Variants in TTPAL observed in about 807,000 individuals in gnomAD.
TTPAL encodes alpha-tocopherol transfer protein-like.
Under a neutral mutation model 28.7 loss-of-function variants are expected in TTPAL, and 21 were observed. That is an observed-to-expected ratio of 0.73 (90% CI 0.52 to 1.06). The LOEUF (loss-of-function observed/expected upper bound fraction) is 1.06. Among genes scored for constraint, TTPAL ranks in the 50% least tolerant of loss-of-function variants. The probability of loss-of-function intolerance (pLI) is 0.00; values close to 1 mark genes in which losing one functional copy is unlikely to be tolerated. For missense variants in TTPAL, 345 were observed against 425.5 expected, an observed-to-expected ratio of 0.81 and a Z score of 1.67; for synonymous variants, 169 against 171.9, an observed-to-expected ratio of 0.98 and a Z score of 0.13.
rs543794404 is a variant in TTPAL, at chr20:44,486,547, G to A, written c.640-49G>A. On this transcript the variant is annotated intron_variant, in intron 3 of 4. Transcript: ENST00000262605. ...AAGATTTAACTTGGGGGAGGAAGGTGTGGAAAGATTCTCCAGATGTTCTAA... is the reference window on the plus strand; with the variant it reads ...AAGATTTAACTTGGGGGAGGAAGGTATGGAAAGATTCTCCAGATGTTCTAA... 43 of 1,137,164 alleles carry A rather than the reference G, an allele frequency of 3.8e-5. 1 individual carries two copies. The South Asian group carries it at 4.7e-4, about 12-fold the overall frequency. The allele number at this position is 1,137,164 out of a possible 1,614,324, so 70.4% of individuals were successfully genotyped here. A position where few individuals can be genotyped will look rare whatever the true frequency, so the allele number is the denominator to read the frequency against.
At chr20:44,482,280 G>C (rs2064112530) in intron 2 of TTPAL, among the ~76,000 whole-genome samples, 1 of 152,152 alleles carries the variant, frequency 6.6e-6, no homozygotes, top group African/African-American at 2.4e-5. Context: ...AGGTGTGGTG[G>C]CTCATGCCTG....
At chr20:44,476,543 G>A (rs1600778210) in intron 1 of TTPAL, among the ~76,000 whole-genome samples, 1 of 152,238 alleles carries the variant, frequency 6.6e-6, no homozygotes, top group African/African-American at 2.4e-5. Context: ...CCATGTGCCC[G>A]GCACTGGGGG....
chr20:44,486,050 G>A (rs1392868539), intron 3 of TTPAL: 1 of 152,258 alleles, frequency 6.6e-6, no homozygotes, highest in African/African-American at 2.4e-5. Flanking sequence ...ACTGTTTTCT[G>A]CTGTAAGAGC....
chr20:44,482,719 ATTT>A (rs1020449013), intron 2 of TTPAL, among the ~76,000 whole-genome samples: 1 of 149,056 alleles, frequency 6.7e-6, no homozygotes, highest in African/African-American at 2.5e-5. Flanking sequence ...GGGCATTCTC[ATTT>A]TTTTTTTCCC....
rs1483474896 is a variant in TTPAL at position 44,493,640 on chromosome 20, T to TG, written c.*4100dup. 6.6e-6 allele frequency: 1 copy of TG among 152,282 alleles called. No homozygotes were observed. The highest frequency in any genetic ancestry group is 1.9e-4 in the East Asian group (1 of 5,340). The allele number at this position is 152,282 out of a possible 1,614,324, so 9.4% of individuals were successfully genotyped here. ...CTGTATCTCCTGTGGCCATGAGAGG[T>TG]GTGGCTATACCGAACAGAAACATGC... is the stretch of plus-strand genomic sequence containing the variant. On this transcript the variant is annotated 3_prime_UTR_variant, in exon 5 of 5. Transcript: ENST00000262605.
chr20:44,489,361 T>G lies in TTPAL; in HGVS notation c.849T>G (p.Thr283=). Residue 283 remains threonine, a synonymous_variant, in exon 5 of 5, where the codon ACT becomes ACG. Transcript: ENST00000262605. ...EYGGTAGELD[T]ATWNAVLLAS... Reference sequence around the variant, plus strand: ...GGGGCACGGCTGGGGAGCTGGACACTGCCACCTGGAACGCGGTACTGCTGG... The same window carrying G: ...GGGGCACGGCTGGGGAGCTGGACACGGCCACCTGGAACGCGGTACTGCTGG... 6.2e-7 allele frequency: 1 copy of G among 1,614,214 alleles called. No homozygotes were observed. The highest frequency in any genetic ancestry group is 8.5e-7 in the Non-Finnish European group (1 of 1,180,044).
chr20:44,480,821 C>T lies in TTPAL; in HGVS notation c.445+377C>T, dbSNP rs1284593758. ...TTCTTCACACTTTTTCTGTGTATGG[C>T]TGTCCCGCTCCTGTGCACGTAGTTA... On this transcript the variant is annotated intron_variant, in intron 2 of 4. Transcript: ENST00000262605. The surrounding 1 kb of genome is among the most constrained non-coding windows in gnomAD (Gnocchi z 4.1). Among the ~76,000 whole-genome samples the T allele has an allele frequency of 1.3e-5, 2 of 152,220 alleles. No individual in the cohort carries two copies. The highest frequency in any genetic ancestry group is 2.9e-5 in the Non-Finnish European group (2 of 68,038).
Position 44,485,250 on chromosome 20 carries a change from C to G in TTPAL, c.639+720C>G, listed in dbSNP as rs200789197. Reference sequence around the variant, plus strand: ...GGTCAGATGCTTCACACCTCATGTTCTGTGTTTCAGAACATGAGTCACTGG... The same window carrying G: ...GGTCAGATGCTTCACACCTCATGTTGTGTGTTTCAGAACATGAGTCACTGG... On this transcript the variant is annotated intron_variant, in intron 3 of 4. Transcript: ENST00000262605. Among the ~76,000 whole-genome samples, 4 of 152,122 alleles carry G rather than the reference C, an allele frequency of 2.6e-5. No homozygotes were observed. In the East Asian group the frequency reaches 7.7e-4, roughly 29 times the overall value.
In TTPAL at chr20:44,493,441, A is replaced by C. The variant is rs553226378; in HGVS notation, c.*3900A>C. 6.6e-6 allele frequency: 1 copy of C among 152,398 alleles called. No individual in the cohort carries two copies. The highest frequency in any genetic ancestry group is 2.4e-5 in the African/African-American group (1 of 41,550). The allele number at this position is 152,398 out of a possible 1,614,324, so 9.4% of individuals were successfully genotyped here. ...ATTTGACCCTCAGATCAATCCTGGG[A>C]ATTTTTTTCATTTGGGTAGCAAAAG... On this transcript the variant is annotated 3_prime_UTR_variant, in exon 5 of 5. Coordinates refer to ENST00000262605, the MANE Select transcript of TTPAL (RefSeq NM_001039199.3).
At chr20:44,484,614 T>C in intron 3 of TTPAL, 84 bp downstream of exon 3, 2 of 1,023,280 alleles carry the variant, frequency 2.0e-6, no homozygotes, top group Non-Finnish European at 2.8e-6. Context: ...TCTCACATGA[T>C]ACACAAACTG....
intron 2 of TTPAL, among the ~76,000 whole-genome samples, chr20:44,483,286 A>C (rs907468692): frequency 6.6e-6 from 1 of 152,202 alleles, no homozygotes; most frequent in Non-Finnish European, 1.5e-5. Context: ...GGCACTGGAA[A>C]GCTGTCCCCA....
Position 44,493,325 on chromosome 20 carries a change from C to T in TTPAL, c.*3784C>T, listed in dbSNP as rs1568779185. ...AATCAGGTTACAAAACACCATTTTT[C>T]CCGAAATAAGACAATAAGAGGCTTT... On this transcript the variant is annotated 3_prime_UTR_variant, in exon 5 of 5. Transcript: ENST00000262605. 6.6e-6 allele frequency: 1 copy of T among 152,210 alleles called. No individual in the cohort carries two copies. The highest frequency in any genetic ancestry group is 1.5e-5 in the Non-Finnish European group (1 of 67,996). 9.4% of individuals were successfully genotyped at this position (152,210 alleles called of 1,614,324 possible). A position where few individuals can be genotyped will look rare whatever the true frequency, so the allele number is the denominator to read the frequency against.
intron 2 of TTPAL, 88 bp from the exon 3 acceptor site, chr20:44,484,249 C>A: frequency 1.1e-6 from 1 of 925,274 alleles, no homozygotes; most frequent in Non-Finnish European, 1.5e-6. Flanking sequence ...CATTTTGAAA[C>A]AACAGTGATA....
chr20:44,485,698 C>T (rs1238213847), intron 3 of TTPAL: 1 of 152,206 alleles, frequency 6.6e-6, no homozygotes, highest in East Asian at 1.9e-4. Context: ...ATGCCTCCTC[C>T]TGAATACCTT....
chr20:44,480,050 C>G lies in TTPAL; in HGVS notation c.51C>G (p.Leu17=). 1 of 1,614,188 alleles carries G rather than the reference C, an allele frequency of 6.2e-7. No homozygotes were observed. Among genetic ancestry groups the G allele is most frequent in the Non-Finnish European group, 8.5e-7 (1 of 1,180,030 alleles). The stretch of plus-strand genomic sequence containing the variant: ...GAACCAGCCCTTCTGTGGCCTCACT[C>G]TCTGAAAATGAGCTGCCACCACCAC... ...SLRTSPSVAS[L]SENELPPPPE... The change falls in exon 2 of 5, where the codon CTC becomes CTG. Residue 17 remains leucine (L), a synonymous_variant. Coordinates refer to ENST00000262605, the MANE Select transcript of TTPAL (RefSeq NM_001039199.3). The surrounding 1 kb of genome is among the most constrained non-coding windows in gnomAD (Gnocchi z 4.1).
intron 1 of TTPAL, among the ~76,000 whole-genome samples, chr20:44,478,105 C>A (rs374042511): frequency 2.6e-5 from 4 of 152,182 alleles, no homozygotes; most frequent in East Asian, 3.9e-4. Context: ...GGTGACAGAG[C>A]AAGACCCTGT....
At position 44,494,535 on chromosome 20, in the gene TTPAL, G is replaced by A. The variant is rs1422791786; in HGVS notation, c.*4994G>A. ...TCTAGTGCATTTTCTAAGTCAAAGTGGTGAAAATATGTAATAATTTTAGTA... is the reference window on the plus strand; with the variant it reads ...TCTAGTGCATTTTCTAAGTCAAAGTAGTGAAAATATGTAATAATTTTAGTA... On this transcript the variant is annotated 3_prime_UTR_variant, in exon 5 of 5. Coordinates refer to ENST00000262605, the MANE Select transcript of TTPAL (RefSeq NM_001039199.3). 1.4e-5 allele frequency: 2 copies of A among 147,408 alleles called. No homozygotes were observed. Among genetic ancestry groups the A allele is most frequent in the Non-Finnish European group, 3.0e-5 (2 of 67,326 alleles). The allele number at this position is 147,408 out of a possible 1,614,324, so 9.1% of individuals were successfully genotyped here.
chr20:44,484,310 C>G (rs779144878), intron 2 of TTPAL, 27 bp from the exon 3 acceptor site: 3 of 1,417,792 alleles, frequency 2.1e-6, no homozygotes, highest in African/African-American at 1.4e-5. Flanking sequence ...ACTTCTGTAA[C>G]ATACTGTCAA....
In TTPAL at chr20:44,491,532, G is replaced by A. The variant is rs2064206200; in HGVS notation, c.*1991G>A. On this transcript the variant is annotated 3_prime_UTR_variant, in exon 5 of 5. Coordinates refer to ENST00000262605, the MANE Select transcript of TTPAL (RefSeq NM_001039199.3). ...TTTTTAAATGTCTGGATAAGTTGTT[G>A]GTGGAAATTAAGTTACTTAACCTCA... 1 of 152,234 alleles carries A rather than the reference G, an allele frequency of 6.6e-6. No homozygotes were observed. Among genetic ancestry groups the A allele is most frequent in the South Asian group, 2.1e-4 (1 of 4,826 alleles). The allele number at this position is 152,234 out of a possible 1,614,324, so 9.4% of individuals were successfully genotyped here. A position where few individuals can be genotyped will look rare whatever the true frequency, so the allele number is the denominator to read the frequency against.
Sources: gnomAD v4.1 joint callset for allele counts (sites outside exome capture counted in the v4.1 genomes callset) on GRCh38, gnomAD v4.1.1 for gene constraint, Gnocchi (gnomAD v3.1) non-coding constraint, MANE v1.5 for transcripts, NCBI Gene and HGNC (gene_info 2026-07-23, HGNC 2026-07-21) for gene names.